The following FRMD4A variants were observed in gnomAD, a reference collection of about 807,000 sequenced individuals.
The protein encoded by FRMD4A is FERM domain-containing protein 4A.
FRMD4A carries 29 observed loss-of-function variants against 129.1 expected under a neutral mutation model. The observed-to-expected ratio is 0.22, with a 90% CI of 0.17 to 0.31. FRMD4A has a LOEUF of 0.31. FRMD4A is among the 10% of genes least tolerant of loss of function. The pLI is 1.00. For synonymous variants in FRMD4A, 634 were observed against 571.6 expected (o/e 1.11, Z -1.56); for missense variants, 1,272 against 1,375.8 (o/e 0.92, Z 1.19).
At chr10:14,186,764 G>A (rs1356362046) in intron 2 of FRMD4A, among the ~76,000 whole-genome samples, 1 of 152,128 alleles carries the variant, frequency 6.6e-6, no homozygotes. Context: ...CAGGAGACTG[G>A]CAAAGAAGAT....
At chr10:14,186,187 C>G (rs144235967) in intron 2 of FRMD4A, among the ~76,000 whole-genome samples, 46 of 152,212 alleles carry the variant, frequency 3.0e-4, no homozygotes, top group African/African-American at 1.1e-3. Context: ...CTAAAACTCC[C>G]TCCTCTTATG....
chr10:13,682,975 C>T (rs1216095523), intron 15 of FRMD4A, among the ~76,000 whole-genome samples: 6 of 152,144 alleles, frequency 3.9e-5, no homozygotes, highest in Non-Finnish European at 8.8e-5. Context: ...GCAGTCACAT[C>T]GACTCCCAAG....
intron 12 of FRMD4A, among the ~76,000 whole-genome samples, chr10:13,726,491 C>T (rs889318013): frequency 1.1e-4 from 16 of 152,154 alleles, no homozygotes; most frequent in African/African-American, 2.2e-4. Context: ...GAAAGGTCCT[C>T]GTTAACTGCC....
chr10:13,689,729 A>AT (rs34481268), intron 15 of FRMD4A, among the ~76,000 whole-genome samples: 12,303 of 145,086 alleles, frequency 0.085, 886 homozygotes, highest in African/African-American at 0.2. Flanking sequence ...TATTAAGAAG[A>AT]TTTTTTTTTT....
chr10:14,316,052 C>T (rs569879449), intron 2 of FRMD4A, among the ~76,000 whole-genome samples: 1 of 152,352 alleles, frequency 6.6e-6, no homozygotes, highest in African/African-American at 2.4e-5. Context: ...ACCACATCCA[C>T]CTTCTTTTTC....
chr10:14,065,382 A>G (rs1256017799), intron 2 of FRMD4A, among the ~76,000 whole-genome samples: 2 of 152,070 alleles, frequency 1.3e-5, no homozygotes. Flanking sequence ...ACAGGGTTTC[A>G]CCATGTTCGC....
At chr10:13,866,347 A>G (rs2094367408) in intron 2 of FRMD4A, 4 of 817,980 alleles carry the variant, frequency 4.9e-6, no homozygotes, top group Non-Finnish European at 5.9e-6. Flanking sequence ...GCCCCTCATG[A>G]TCTGACCTCT....
At chr10:14,324,959 C>T (rs1474629495) in intron 2 of FRMD4A, among the ~76,000 whole-genome samples, 2 of 152,178 alleles carry the variant, frequency 1.3e-5, no homozygotes, top group African/African-American at 4.8e-5. Flanking sequence ...CCGCACCTGG[C>T]CTGTATCTAA....
At chr10:13,710,649 G>A (rs922651902) in intron 12 of FRMD4A, 1 of 152,460 alleles carries the variant, frequency 6.6e-6, no homozygotes, top group South Asian at 2.1e-4. Flanking sequence ...ATCCTGGGAA[G>A]GAAGGGTAAG....
intron 2 of FRMD4A, among the ~76,000 whole-genome samples, chr10:13,948,854 G>A (rs2095352137): frequency 6.6e-6 from 1 of 151,784 alleles, no homozygotes. Flanking sequence ...GTTTCACTAT[G>A]TTGGCCAGGA....
chr10:14,204,871 G>A (rs1174807295), intron 2 of FRMD4A, among the ~76,000 whole-genome samples: 3 of 152,026 alleles, frequency 2.0e-5, no homozygotes, highest in African/African-American at 4.8e-5. Flanking sequence ...TATTGAACGC[G>A]AAAGCACTGC....
rs113500181 is a variant in FRMD4A, at chr10:13,694,086, G to A, written c.976-47C>T. 1.1e-3 allele frequency: 1,568 copies of A among 1,472,414 alleles called. 20 individuals are homozygous for A. The African/African-American group carries it at 0.019, about 18-fold the overall frequency. 91.2% of individuals were successfully genotyped at this position (1,472,414 alleles called of 1,614,324 possible). A position where few individuals can be genotyped will look rare whatever the true frequency, so the allele number is the denominator to read the frequency against. On this transcript the variant is annotated intron_variant, in intron 14 of 24. Coordinates refer to ENST00000357447, the MANE Select transcript of FRMD4A (RefSeq NM_018027.5). ...GTCAAAGAAGTGACGCTCACCTTGCGGAAAGGACAGTCATCCCTCGCCCGC... is the reference window on the plus strand; with the variant it reads ...GTCAAAGAAGTGACGCTCACCTTGCAGAAAGGACAGTCATCCCTCGCCCGC...
At chr10:13,773,230 A>G (rs1157905182) in intron 6 of FRMD4A, among the ~76,000 whole-genome samples, 1 of 152,212 alleles carries the variant, frequency 6.6e-6, no homozygotes, top group African/African-American at 2.4e-5. Context: ...GTATGACTCT[A>G]TTATGTAATA....
At chr10:14,171,086 G>A (rs1312761595) in intron 2 of FRMD4A, among the ~76,000 whole-genome samples, 1 of 150,870 alleles carries the variant, frequency 6.6e-6, no homozygotes, top group Non-Finnish European at 1.5e-5. Flanking sequence ...AAGATTAGAT[G>A]GAATTATGAA....
intron 15 of FRMD4A, among the ~76,000 whole-genome samples, chr10:13,687,489 C>G (rs1433113249): frequency 6.6e-6 from 1 of 152,128 alleles, no homozygotes; most frequent in Non-Finnish European, 1.5e-5. Context: ...CCAACATTTT[C>G]TGGAATTTCA....
intron 2 of FRMD4A, among the ~76,000 whole-genome samples, chr10:13,945,418 T>C (rs551612433): frequency 9.7e-4 from 147 of 152,282 alleles, no homozygotes; most frequent in African/African-American, 3.4e-3. Context: ...GAAAGGGGCT[T>C]ACAACCAGAA....
At chr10:14,102,592 CA>C (rs1284914474) in intron 2 of FRMD4A, among the ~76,000 whole-genome samples, 1 of 152,170 alleles carries the variant, frequency 6.6e-6, no homozygotes, top group African/African-American at 2.4e-5. Flanking sequence ...TCTCACAACC[CA>C]AAGTTTGAAA....
intron 2 of FRMD4A, among the ~76,000 whole-genome samples, chr10:14,225,595 G>A (rs148644462): frequency 2.6e-5 from 4 of 152,336 alleles, no homozygotes; most frequent in African/African-American, 9.6e-5. Flanking sequence ...ACAGAGGGAT[G>A]TACAGTCTGC....
In FRMD4A at chr10:13,657,555, TG is replaced by T. The variant is rs2082273109; in HGVS notation, c.2067-34del. The T allele has an allele frequency of 3.5e-6, 4 of 1,153,688 alleles. No individual in the cohort carries two copies. In the Admixed American group the frequency reaches 9.6e-5, roughly 28 times the overall value. 71.5% of individuals were successfully genotyped at this position (1,153,688 alleles called of 1,614,324 possible). A position where few individuals can be genotyped will look rare whatever the true frequency, so the allele number is the denominator to read the frequency against. ...GAGACGACCCGGGTTGGTCTGGGGGTGGGGAGTGGGCCCAAGGAGGGGTGCT... is the reference window on the plus strand; with the variant it reads ...GAGACGACCCGGGTTGGTCTGGGGGTGGGAGTGGGCCCAAGGAGGGGTGCT... On this transcript the variant is annotated intron_variant, in intron 21 of 24. Transcript: ENST00000357447.
Sources: allele counts gnomAD v4.1 joint callset (sites outside exome capture counted in the v4.1 genomes callset), GRCh38; gene constraint gnomAD v4.1.1; transcripts MANE v1.5; gene names NCBI Gene and HGNC (gene_info 2026-07-23, HGNC 2026-07-21).